MAGI2: variants seen among roughly 807,000 people sequenced by gnomAD.
MAGI2 encodes membrane associated guanylate kinase, WW and PDZ domain containing 2.
Under a neutral mutation model 133.3 loss-of-function variants are expected in MAGI2, and 35 were observed. The ratio of observed to expected loss-of-function variants is 0.26; its 90% CI spans 0.20 to 0.35. MAGI2 has a LOEUF of 0.35. Ranked by LOEUF, MAGI2 falls within the 10% of genes least tolerant of loss-of-function variation. The pLI, the probability that MAGI2 is intolerant of heterozygous loss-of-function variation, is 1.00. For missense variants in MAGI2, 1,636 were observed against 1,863.4 expected (o/e 0.88, Z 2.25); for synonymous variants, 729 against 710.6 (o/e 1.03, Z -0.41).
intron 3 of MAGI2, among the ~76,000 whole-genome samples, chr7:78,573,267 T>A (rs1377051432): frequency 0.01 from 236 of 22,924 alleles, 5 homozygotes; most frequent in Admixed American, 0.023. Flanking sequence ...AATATAAATA[T>A]ATATAAATAT....
intron 2 of MAGI2, among the ~76,000 whole-genome samples, chr7:78,799,656 C>T (rs534295659): frequency 1.3e-5 from 2 of 152,194 alleles, no homozygotes; most frequent in Admixed American, 1.3e-4. Context: ...TATGTCAAGG[C>T]ACCAATATTT....
chr7:78,329,332 T>C (rs1788930625), intron 9 of MAGI2, among the ~76,000 whole-genome samples: 2 of 152,258 alleles, frequency 1.3e-5, no homozygotes, highest in Non-Finnish European at 2.9e-5. Context: ...TATCTCCTAT[T>C]GACTTCAATG....
chr7:78,749,533 G>A (rs1050780699), intron 2 of MAGI2, among the ~76,000 whole-genome samples: 5 of 152,216 alleles, frequency 3.3e-5, no homozygotes, highest in South Asian at 2.1e-4. Flanking sequence ...AAACAAAGAC[G>A]ACATTTAAAC....
Position 78,910,263 on chromosome 7 carries a change from CTTTTT to C in MAGI2, c.418+96822_418+96826del, listed in dbSNP as rs71085572. Among the ~76,000 whole-genome samples, 13 of 128,064 alleles carry C rather than the reference CTTTTT, an allele frequency of 1.0e-4. No homozygotes were observed. The East Asian group carries it at 2.0e-3, about 20-fold the overall frequency. The allele number at this position is 128,064 out of a possible 152,430, so 84.0% of individuals were successfully genotyped here. A position where few individuals can be genotyped will look rare whatever the true frequency, so the allele number is the denominator to read the frequency against. The stretch of plus-strand genomic sequence containing the variant: ...GTGAATCCTGGAACTTAAAGTAATT[CTTTTT>C]TTTTTTTTTTTTTAAAGGAAAAAGA... On this transcript the variant is annotated intron_variant, in intron 2 of 21. Coordinates refer to ENST00000354212, the MANE Select transcript of MAGI2 (RefSeq NM_012301.4).
At chr7:78,818,897 A>G (rs1180714447) in intron 2 of MAGI2, among the ~76,000 whole-genome samples, 1 of 152,152 alleles carries the variant, frequency 6.6e-6, no homozygotes, top group Non-Finnish European at 1.5e-5. Context: ...GCTTACATCA[A>G]TTCTCAGAAC....
intron 21 of MAGI2, among the ~76,000 whole-genome samples, chr7:78,020,211 C>T (rs1484108990): frequency 1.3e-5 from 2 of 152,062 alleles, no homozygotes; most frequent in Non-Finnish European, 2.9e-5. Flanking sequence ...GTCCGTGGAC[C>T]GGGGAGGCCA....
At chr7:79,231,465 T>C (rs1831368564) in intron 1 of MAGI2, among the ~76,000 whole-genome samples, 1 of 76,848 alleles carries the variant, frequency 1.3e-5, no homozygotes, top group East Asian at 3.0e-4. Context: ...CTCTTTTATT[T>C]CCTTGAGCAG....
chr7:78,052,128 C>A (rs1812074077), intron 21 of MAGI2, among the ~76,000 whole-genome samples: 1 of 151,394 alleles, frequency 6.6e-6, no homozygotes, highest in Non-Finnish European at 1.5e-5. Flanking sequence ...ACCCTGGCCT[C>A]CCAAGTGTTG....
intron 1 of MAGI2, chr7:79,414,562 T>C (rs1846370119): frequency 6.6e-6 from 1 of 152,118 alleles, no homozygotes; most frequent in South Asian, 2.1e-4. Context: ...TGCAAATGGA[T>C]CTATTTGTTT....
At chr7:79,330,622 T>C (rs1197975890) in intron 1 of MAGI2, among the ~76,000 whole-genome samples, 1 of 152,108 alleles carries the variant, frequency 6.6e-6, no homozygotes, top group Non-Finnish European at 1.5e-5. Context: ...CATGTATGGG[T>C]CTTGAGTCAA....
intron 2 of MAGI2, among the ~76,000 whole-genome samples, chr7:78,925,252 C>T (rs1055813641): frequency 2.6e-5 from 4 of 152,002 alleles, no homozygotes; most frequent in African/African-American, 7.2e-5. Context: ...GACTTTAAGC[C>T]ATTTTATAAA....
chr7:79,187,977 A>G (rs1367385523), intron 1 of MAGI2, among the ~76,000 whole-genome samples: 2 of 151,884 alleles, frequency 1.3e-5, no homozygotes, highest in African/African-American at 4.8e-5. Flanking sequence ...CATTTCCACT[A>G]AAAGGTTTAT....
chr7:79,005,581 T>G (rs1265592850), intron 2 of MAGI2, among the ~76,000 whole-genome samples: 2 of 152,226 alleles, frequency 1.3e-5, no homozygotes, highest in Non-Finnish European at 2.9e-5. Context: ...AAGGACTACA[T>G]GTATTCCTGA....
At chr7:78,585,092 G>A (rs1231475380) in intron 3 of MAGI2, among the ~76,000 whole-genome samples, 6 of 152,220 alleles carry the variant, frequency 3.9e-5, no homozygotes, top group South Asian at 2.1e-4. Flanking sequence ...AACAAACTTC[G>A]GAAGGAAGAA....
intron 7 of MAGI2, among the ~76,000 whole-genome samples, chr7:78,355,079 A>T (rs1222060957): frequency 1.3e-5 from 2 of 152,232 alleles, no homozygotes; most frequent in Non-Finnish European, 2.9e-5. Flanking sequence ...TATATAATTA[A>T]CATACTATGT....
intron 2 of MAGI2, among the ~76,000 whole-genome samples, chr7:78,782,165 C>T (rs1430296160): frequency 1.3e-5 from 2 of 152,126 alleles, no homozygotes; most frequent in Admixed American, 1.3e-4. Context: ...AGGAGAACGT[C>T]GGCAATTAAG....
At chr7:79,083,435 A>G (rs2129542025) in intron 1 of MAGI2, among the ~76,000 whole-genome samples, 1 of 151,166 alleles carries the variant, frequency 6.6e-6, no homozygotes, top group South Asian at 2.1e-4. Flanking sequence ...TATTGAAAAT[A>G]TTATCTTGTG....
At position 78,114,979 on chromosome 7, in the gene MAGI2, G is replaced by A. The variant is rs117527831; in HGVS notation, c.3567+10715C>T. ...TGGTTGCAGCTACTGTAACTTGGTC[G>A]TTAAAGGTAAATGTTACTAACTGCT... On this transcript the variant is annotated intron_variant, in intron 20 of 21. Coordinates refer to ENST00000354212, the MANE Select transcript of MAGI2 (RefSeq NM_012301.4). Among the ~76,000 whole-genome samples, 202 of 152,338 alleles carry A rather than the reference G, an allele frequency of 1.3e-3. 8 individuals carry two copies. The East Asian group carries it at 0.037, about 28-fold the overall frequency.
At chr7:79,427,064 ATGTAT>A (rs1847426340) in intron 1 of MAGI2, among the ~76,000 whole-genome samples, 1 of 152,198 alleles carries the variant, frequency 6.6e-6, no homozygotes, top group African/African-American at 2.4e-5. Flanking sequence ...TTGGATATAA[ATGTAT>A]TGTACGTAAT....
Sources: gnomAD v4.1 joint callset for allele counts (sites outside exome capture counted in the v4.1 genomes callset) on GRCh38, gnomAD v4.1.1 for gene constraint, MANE v1.5 for transcripts, NCBI Gene and HGNC (gene_info 2026-07-23, HGNC 2026-07-21) for gene names.